The following PRKAR2A variants were observed in gnomAD, a reference collection of about 807,000 sequenced individuals.
PRKAR2A encodes cAMP-dependent protein kinase type II-alpha regulatory subunit.
In PRKAR2A, 29 loss-of-function variants were observed where a neutral mutation model predicts 51.9. The ratio of observed to expected loss-of-function variants is 0.56; its 90% CI spans 0.42 to 0.76. PRKAR2A has a LOEUF of 0.76. Ranked by LOEUF, PRKAR2A falls within the 30% of genes least tolerant of loss-of-function variation. The pLI, the probability that PRKAR2A is intolerant of heterozygous loss-of-function variation, is 0.00. For missense variants in PRKAR2A, 445 were observed against 512.1 expected (o/e 0.87, Z 1.26); for synonymous variants, 178 against 186.2 (o/e 0.96, Z 0.36).
rs928204252 is a variant in PRKAR2A, at chr3:48,748,774, C to A, written c.*2811G>T. On this transcript the variant is annotated 3_prime_UTR_variant, in exon 11 of 11. Coordinates refer to ENST00000265563, the MANE Select transcript of PRKAR2A (RefSeq NM_004157.4). ...TGGTTCTTGTCTGCTAAGGGCAAGA[C>A]CTGTTTTCTGAATTTACTTTCTGAT... The A allele has an allele frequency of 2.6e-5, 4 of 152,198 alleles. No individual in the cohort carries two copies. Among genetic ancestry groups the A allele is most frequent in the Non-Finnish European group, 5.9e-5 (4 of 68,038 alleles). 9.4% of individuals were successfully genotyped at this position (152,198 alleles called of 1,614,324 possible).
intron 1 of PRKAR2A, among the ~76,000 whole-genome samples, chr3:48,819,262 A>G (rs940523704): frequency 1.3e-5 from 2 of 152,166 alleles, no homozygotes; most frequent in African/African-American, 4.8e-5. Flanking sequence ...GTGATCCGCC[A>G]GCCTTGACCT....
intron 9 of PRKAR2A, among the ~76,000 whole-genome samples, chr3:48,754,830 C>T (rs185440612): frequency 6.7e-6 from 1 of 149,702 alleles, no homozygotes; most frequent in East Asian, 2.0e-4. Context: ...GCACGAGAAT[C>T]GATTGAAACT....
intron 1 of PRKAR2A, among the ~76,000 whole-genome samples, chr3:48,821,376 C>G (rs1384557830): frequency 6.6e-6 from 1 of 152,174 alleles, no homozygotes; most frequent in South Asian, 2.1e-4. Context: ...CCAGCTATTG[C>G]TATTTTTCCT....
chr3:48,747,198 A>C lies in PRKAR2A; in HGVS notation c.*4387T>G, dbSNP rs1423656046. On this transcript the variant is annotated 3_prime_UTR_variant, in exon 11 of 11. Transcript: ENST00000265563. ...GAGGAACAAGAGGTCATTGTAGTGA[A>C]AAACCAAAACAACTTGTATCTTGGC... 2 of 152,192 alleles carry C rather than the reference A, an allele frequency of 1.3e-5. No individual in the cohort carries two copies. The highest frequency in any genetic ancestry group is 4.8e-5 in the African/African-American group (2 of 41,448). The allele number at this position is 152,192 out of a possible 1,614,324, so 9.4% of individuals were successfully genotyped here.
intron 1 of PRKAR2A, among the ~76,000 whole-genome samples, chr3:48,829,872 T>TA (rs1491401730): frequency 0.18 from 10,880 of 59,000 alleles, 963 homozygotes; most frequent in East Asian, 0.45. Context: ...TATATATATA[T>TA]TTTTTTTTTT....
At chr3:48,769,578 G>C (rs1180098958) in intron 6 of PRKAR2A, among the ~76,000 whole-genome samples, 2 of 152,000 alleles carry the variant, frequency 1.3e-5, no homozygotes, top group Non-Finnish European at 1.5e-5. Flanking sequence ...CCAGGTTCAA[G>C]TGATTCTCCT....
chr3:48,830,681 C>T (rs548453629), intron 1 of PRKAR2A, among the ~76,000 whole-genome samples: 4 of 152,250 alleles, frequency 2.6e-5, no homozygotes, highest in Non-Finnish European at 5.9e-5. Flanking sequence ...ATTTATTGTG[C>T]ACTTTATTTC....
rs971523079 is a variant in PRKAR2A at position 48,794,003 on chromosome 3, A to G, written c.345T>C (p.Asp115=). 1.2e-6 allele frequency: 2 copies of G among 1,602,666 alleles called. No homozygotes were observed. The highest frequency in any genetic ancestry group is 1.7e-6 in the Non-Finnish European group (2 of 1,169,906). ...YNPDEEEEDT[D]PRVIHPKTDE... The stretch of plus-strand genomic sequence containing the variant: ...TCTTTGCTTTGGGTCTTACCCTTGG[A>G]TCTGTATCTTCCTCTTCCTCATCAG... The change falls in exon 3 of 11, where the codon GAT becomes GAC. Residue 115 remains aspartate (D), a synonymous_variant. Coordinates refer to ENST00000265563, the MANE Select transcript of PRKAR2A (RefSeq NM_004157.4).
intron 1 of PRKAR2A, among the ~76,000 whole-genome samples, chr3:48,834,043 AAAAAAAAG>A (rs1482761751): frequency 6.6e-6 from 1 of 151,750 alleles, no homozygotes; most frequent in African/African-American, 2.4e-5. Flanking sequence ...TTAAAAAAAA[AAAAAAAAG>A]AAAAAAAAGA....
intron 1 of PRKAR2A, among the ~76,000 whole-genome samples, chr3:48,828,010 C>T (rs1310075813): frequency 2.1e-4 from 32 of 151,952 alleles, no homozygotes; most frequent in Admixed American, 1.9e-3. Flanking sequence ...GGATTACAGA[C>T]GCCCGCCACC....
chr3:48,799,488 A>G (rs937612803), intron 2 of PRKAR2A, among the ~76,000 whole-genome samples: 1 of 152,200 alleles, frequency 6.6e-6, no homozygotes, highest in Non-Finnish European at 1.5e-5. Context: ...AGTCCACAAC[A>G]CTGGATTTCT....
At chr3:48,823,578 C>T (rs1341958661) in intron 1 of PRKAR2A, among the ~76,000 whole-genome samples, 1 of 151,894 alleles carries the variant, frequency 6.6e-6, no homozygotes, top group African/African-American at 2.4e-5. Flanking sequence ...AAGACTTGAA[C>T]ATCTTCCAGC....
Position 48,747,324 on chromosome 3 carries a change from C to T in PRKAR2A, c.*4261G>A, listed in dbSNP as rs1202574177. 5 of 152,058 alleles carry T rather than the reference C, an allele frequency of 3.3e-5. No individual in the cohort carries two copies. The highest frequency in any genetic ancestry group is 7.4e-5 in the Non-Finnish European group (5 of 68,002). 9.4% of individuals were successfully genotyped at this position (152,058 alleles called of 1,614,324 possible). A position where few individuals can be genotyped will look rare whatever the true frequency, so the allele number is the denominator to read the frequency against. On this transcript the variant is annotated 3_prime_UTR_variant, in exon 11 of 11. Transcript: ENST00000265563. ...CATTCATGGATCTTTTTATTTTTCT[C>T]TGTGCAAAATGCTCTTCTTTCTGAA...
At chr3:48,767,926 A>C (rs1375439410) in intron 6 of PRKAR2A, among the ~76,000 whole-genome samples, 1 of 151,354 alleles carries the variant, frequency 6.6e-6, no homozygotes, top group Non-Finnish European at 1.5e-5. Context: ...TCCATCTCAA[A>C]AAAAAAAACA....
intron 1 of PRKAR2A, among the ~76,000 whole-genome samples, chr3:48,837,031 G>C (rs2083298219): frequency 1.3e-5 from 2 of 152,076 alleles, no homozygotes. Context: ...GGGAGGCTAA[G>C]GTGAAAGGAT....
chr3:48,811,878 T>C (rs2082776900), intron 1 of PRKAR2A, among the ~76,000 whole-genome samples: 1 of 152,112 alleles, frequency 6.6e-6, no homozygotes, highest in South Asian at 2.1e-4. Context: ...AGACCACATA[T>C]TGAATGATTC....
chr3:48,810,243 C>T (rs2082749271), intron 1 of PRKAR2A, among the ~76,000 whole-genome samples: 2 of 151,922 alleles, frequency 1.3e-5, no homozygotes, highest in Non-Finnish European at 2.9e-5. Flanking sequence ...TGTGTGTACA[C>T]ACACACACAC....
intron 5 of PRKAR2A, among the ~76,000 whole-genome samples, chr3:48,779,369 G>A (rs1015881265): frequency 1.3e-5 from 2 of 152,120 alleles, no homozygotes; most frequent in African/African-American, 4.8e-5. Context: ...GACATGTACA[G>A]GTGGATGCTT....
intron 1 of PRKAR2A, among the ~76,000 whole-genome samples, chr3:48,835,058 G>A (rs1009667483): frequency 2.7e-5 from 4 of 148,466 alleles, no homozygotes; most frequent in East Asian, 4.0e-4. Context: ...TGCAATTTCC[G>A]CCTCCCGGGT....
Sources: gnomAD v4.1 joint callset for allele counts (sites outside exome capture counted in the v4.1 genomes callset) on GRCh38, gnomAD v4.1.1 for gene constraint, MANE v1.5 for transcripts, NCBI Gene and HGNC (gene_info 2026-07-23, HGNC 2026-07-21) for gene names.